Variants in XXYLT1 observed in about 807,000 individuals in gnomAD.
XXYLT1 encodes the protein UDP-xylose:alpha-xyloside alpha-1,3-xylosyltransferase.
A neutral mutation model predicts 28.9 loss-of-function variants in XXYLT1; 20 were observed. The observed-to-expected ratio is 0.69, with a 90% confidence interval of 0.49 to 1.00. XXYLT1 has a LOEUF of 1.00. Ranked by LOEUF, XXYLT1 falls within the 50% of genes least tolerant of loss-of-function variation. The probability of loss-of-function intolerance (pLI) is 0.00; values close to 1 mark genes in which losing one functional copy is unlikely to be tolerated. For missense variants in XXYLT1, 542 were observed against 560.1 expected (o/e 0.97, Z 0.33); for synonymous variants, 257 against 253.8 (o/e 1.01, Z -0.12).
At chr3:195,090,546 A>T (rs1716074208) in intron 3 of XXYLT1, among the ~76,000 whole-genome samples, 1 of 151,344 alleles carries the variant, frequency 6.6e-6, no homozygotes, top group South Asian at 2.1e-4. Context: ...AGGGACATTT[A>T]TAGCACTAAA....
In XXYLT1 at chr3:195,257,426, G is replaced by A. The variant is rs113264938; in HGVS notation, c.504+13129C>T. 1.8e-3 allele frequency among the ~76,000 whole-genome samples: 275 copies of A among 152,330 alleles called. 1 individual carries two copies. The highest frequency in any genetic ancestry group is 6.3e-3 in the African/African-American group (260 of 41,582). ...GGGGCTCACCAGGGTGGAGGTGAGA[G>A]GTAGGTCCCCACATAACTGGCACCG... On this transcript the variant is annotated intron_variant, in intron 1 of 3. Coordinates refer to ENST00000310380, the MANE Select transcript of XXYLT1 (RefSeq NM_152531.5). The surrounding 1 kb of genome is among the most constrained non-coding windows in gnomAD (Gnocchi z 4.3).
At chr3:195,185,110 G>T (rs547181528) in intron 2 of XXYLT1, among the ~76,000 whole-genome samples, 17 of 123,872 alleles carry the variant, frequency 1.4e-4, no homozygotes, top group African/African-American at 6.4e-4. Context: ...AGGAAGGAAG[G>T]AAGGAAGGAA....
chr3:195,209,370 T>C lies in XXYLT1; in HGVS notation c.652+17339A>G, dbSNP rs2108776388. 6.6e-6 allele frequency: 1 copy of C among 152,432 alleles called. No homozygotes were observed. The highest frequency in any genetic ancestry group is 6.5e-5 in the Admixed American group (1 of 15,308). The allele number at this position is 152,432 out of a possible 1,614,324, so 9.4% of individuals were successfully genotyped here. On this transcript the variant is annotated intron_variant, in intron 2 of 3. Coordinates refer to ENST00000310380, the MANE Select transcript of XXYLT1 (RefSeq NM_152531.5). The surrounding 1 kb of genome is among the most constrained non-coding windows in gnomAD (Gnocchi z 5.0). ...GTCACTCCGCTGCTGCGTGCTCCTG[T>C]CCACACAGGGTGGGAATCCTCCTCA...
At chr3:195,249,845 C>A (rs62285240) in intron 1 of XXYLT1, among the ~76,000 whole-genome samples, 2 of 152,274 alleles carry the variant, frequency 1.3e-5, no homozygotes, top group African/African-American at 4.8e-5. Flanking sequence ...GTGGAGAAAA[C>A]CTCAACATCC....
At position 195,253,704 on chromosome 3, in the gene XXYLT1, G is replaced by A. The variant is rs189991510; in HGVS notation, c.504+16851C>T. Among the ~76,000 whole-genome samples the A allele has an allele frequency of 2.0e-5, 3 of 151,974 alleles. No individual in the cohort carries two copies. The East Asian group carries it at 5.8e-4, about 30-fold the overall frequency. On this transcript the variant is annotated intron_variant, in intron 1 of 3. Coordinates refer to ENST00000310380, the MANE Select transcript of XXYLT1 (RefSeq NM_152531.5). ...AGTAGAGACGGGGTTTCACTATGTT[G>A]GCCAGGCTGGTCTCGAACTCCTGAC...
Position 195,133,745 on chromosome 3 carries a change from A to G in XXYLT1, c.785+22704T>C, listed in dbSNP as rs1719023610. 1.3e-5 allele frequency among the ~76,000 whole-genome samples: 2 copies of G among 152,202 alleles called. No individual in the cohort carries two copies. The highest frequency in any genetic ancestry group is 2.4e-5 in the African/African-American group (1 of 41,454). ...ACACACGAACAGAGGATGGTGCCAG[A>G]AGATCATGATGGAGCTGAAAAATCC... is the stretch of plus-strand genomic sequence containing the variant. On this transcript the variant is annotated intron_variant, in intron 3 of 3. Transcript: ENST00000310380. The surrounding 1 kb of genome is among the most constrained non-coding windows in gnomAD (Gnocchi z 4.4).
Position 195,204,476 on chromosome 3 carries a change from A to ACTCTCTCTCTCTCTCTCT in XXYLT1, c.652+22215_652+22232dup, listed in dbSNP as rs61196221. 7.4e-3 allele frequency among the ~76,000 whole-genome samples: 934 copies of ACTCTCTCTCTCTCTCTCT among 125,866 alleles called. 23 individuals carry two copies. The highest frequency in any genetic ancestry group is 0.024 in the African/African-American group (876 of 35,788). The allele number at this position is 125,866 out of a possible 152,430, so 82.6% of individuals were successfully genotyped here. ...CGCACACACACACACTCACTCTCTC[A>ACTCTCTCTCTCTCTCTCT]CTCTCTCTCTCTCTCTCTCTCTCTC... On this transcript the variant is annotated intron_variant, in intron 2 of 3. Transcript: ENST00000310380.
intron 2 of XXYLT1, among the ~76,000 whole-genome samples, chr3:195,220,468 C>T (rs1723776068): frequency 6.6e-6 from 1 of 152,128 alleles, no homozygotes; most frequent in African/African-American, 2.4e-5. Flanking sequence ...AACCACGACA[C>T]CATAGGGCCT....
In XXYLT1 at chr3:195,257,635, C is replaced by G. The variant is rs1345481997; in HGVS notation, c.504+12920G>C. 6.6e-6 allele frequency among the ~76,000 whole-genome samples: 1 copy of G among 152,110 alleles called. No homozygotes were observed. The highest frequency in any genetic ancestry group is 1.5e-5 in the Non-Finnish European group (1 of 68,008). ...TACATCCTGGCTGGGCCGGCACGGG[C>G]CCCGTAGCTCTCCCTGTGGCTCCCG... On this transcript the variant is annotated intron_variant, in intron 1 of 3. Coordinates refer to ENST00000310380, the MANE Select transcript of XXYLT1 (RefSeq NM_152531.5). This position sits in a 1 kb window ranked among gnomAD's most constrained non-coding sequence, Gnocchi z 4.3.
intron 2 of XXYLT1, among the ~76,000 whole-genome samples, chr3:195,175,113 A>T (rs1258222963): frequency 8.5e-5 from 13 of 152,208 alleles, no homozygotes; most frequent in Admixed American, 8.5e-4. Context: ...CAACGATGAA[A>T]AAGCTCTACC....
rs115849335 is a variant in XXYLT1, at chr3:195,256,493, C to T, written c.504+14062G>A. 1.4e-3 allele frequency: 1,365 copies of T among 985,368 alleles called. 19 individuals carry two copies. In the African/African-American group the frequency reaches 0.022, roughly 16 times the overall value. 61.0% of individuals were successfully genotyped at this position (985,368 alleles called of 1,614,324 possible). A position where few individuals can be genotyped will look rare whatever the true frequency, so the allele number is the denominator to read the frequency against. ...CCAGAGGACGGAAGGGAAGTCAGCA[C>T]GGAAGCCTCACCTAGGGTCATTCCA... On this transcript the variant is annotated intron_variant, in intron 1 of 3. Coordinates refer to ENST00000310380, the MANE Select transcript of XXYLT1 (RefSeq NM_152531.5). This position sits in a 1 kb window ranked among gnomAD's most constrained non-coding sequence, Gnocchi z 4.2.
rs989773462 is a variant in XXYLT1, at chr3:195,204,140, C to G, written c.652+22569G>C. On this transcript the variant is annotated intron_variant, in intron 2 of 3. Coordinates refer to ENST00000310380, the MANE Select transcript of XXYLT1 (RefSeq NM_152531.5). ...CAGGTGGATCATGAGGTCAGGAGTGCGAGACCAGCCTGGCCAGGATGATGA... is the reference window on the plus strand; with the variant it reads ...CAGGTGGATCATGAGGTCAGGAGTGGGAGACCAGCCTGGCCAGGATGATGA... Among the ~76,000 whole-genome samples the G allele has an allele frequency of 2.6e-5, 4 of 151,688 alleles. No homozygotes were observed. In the East Asian group the frequency reaches 7.8e-4, roughly 29 times the overall value.
At chr3:195,108,225 T>C (rs978151743) in intron 3 of XXYLT1, among the ~76,000 whole-genome samples, 23 of 152,248 alleles carry the variant, frequency 1.5e-4, no homozygotes, top group African/African-American at 4.8e-4. Context: ...TTACTAAACA[T>C]AACTGCATGT....
chr3:195,258,167 T>C (rs1417084798), intron 1 of XXYLT1, among the ~76,000 whole-genome samples: 1 of 152,158 alleles, frequency 6.6e-6, no homozygotes, highest in African/African-American at 2.4e-5. Context: ...TGTGATGCTC[T>C]GGCAAAAGCA....
chr3:195,112,893 G>A (rs1449002813), intron 3 of XXYLT1, among the ~76,000 whole-genome samples: 2 of 150,430 alleles, frequency 1.3e-5, no homozygotes, highest in Non-Finnish European at 3.0e-5. Flanking sequence ...GCACATACAC[G>A]CAGCCCCCAG....
rs989951719 is a variant in XXYLT1 at position 195,210,429 on chromosome 3, C to T, written c.652+16280G>A. ...GAGGACGGACTCCTCATGGGTGAGG[C>T]GAGGCCCAGAAAAAAGTTGGCTGAC... On this transcript the variant is annotated intron_variant, in intron 2 of 3. Transcript: ENST00000310380. This position sits in a 1 kb window ranked among gnomAD's most constrained non-coding sequence, Gnocchi z 4.8. 2.0e-4 allele frequency among the ~76,000 whole-genome samples: 31 copies of T among 152,140 alleles called. No homozygotes were observed. Among genetic ancestry groups the T allele is most frequent in the African/African-American group, 7.0e-4 (29 of 41,408 alleles).
chr3:195,123,430 G>T, intron 3 of XXYLT1, among the ~76,000 whole-genome samples: 1 of 152,184 alleles, frequency 6.6e-6, no homozygotes, highest in Middle Eastern at 3.2e-3. Flanking sequence ...AGGCTTTGGG[G>T]ATTCTGGGAG....
At chr3:195,111,645 T>C (rs1355717175) in intron 3 of XXYLT1, among the ~76,000 whole-genome samples, 2 of 152,032 alleles carry the variant, frequency 1.3e-5, no homozygotes, top group African/African-American at 4.8e-5. Context: ...GCTGAACGAG[T>C]ATTATACTAT....
Position 195,088,440 on chromosome 3 carries a change from C to T in XXYLT1, c.786-18329G>A, listed in dbSNP as rs372160205. 4.2e-3 allele frequency among the ~76,000 whole-genome samples: 602 copies of T among 143,834 alleles called. 22 individuals carry two copies. In the East Asian group the frequency reaches 0.048, roughly 11 times the overall value. 94.4% of individuals were successfully genotyped at this position (143,834 alleles called of 152,430 possible). ...GCGGGGCACCTCACAGGGCCGGGTA[C>T]TCCAACAGACCTGCAGCTGAGGGTC... On this transcript the variant is annotated intron_variant, in intron 3 of 3. Transcript: ENST00000310380.
Sources: gnomAD v4.1 joint callset for allele counts (sites outside exome capture counted in the v4.1 genomes callset) on GRCh38, gnomAD v4.1.1 for gene constraint, Gnocchi (gnomAD v3.1) non-coding constraint, MANE v1.5 for transcripts, NCBI Gene and HGNC (gene_info 2026-07-23, HGNC 2026-07-21) for gene names.